Variants in LRMDA observed in about 807,000 individuals in gnomAD.
LRMDA encodes the protein leucine rich melanocyte differentiation associated, also known as leucine-rich melanocyte differentiation-associated protein.
LRMDA carries 18 observed loss-of-function variants against 29.8 expected under a neutral mutation model. The observed-to-expected ratio is 0.60, with a 90% CI of 0.42 to 0.90. The LOEUF is 0.90. Ranked by LOEUF, LRMDA falls within the 40% of genes least tolerant of loss-of-function variation. LRMDA has a pLI of 0.00. For synonymous variants in LRMDA, 125 were observed against 109.4 expected (o/e 1.14, Z -0.89); for missense variants, 273 against 273.9 (o/e 1.00, Z 0.02).
At chr10:75,540,088 A>C (rs984616473) in intron 2 of LRMDA, among the ~76,000 whole-genome samples, 3 of 152,160 alleles carry the variant, frequency 2.0e-5, no homozygotes, top group Non-Finnish European at 4.4e-5. Flanking sequence ...CAGATAATAA[A>C]ATTTCTGGTA....
At chr10:76,482,580 T>C (rs1391705726) in intron 6 of LRMDA, among the ~76,000 whole-genome samples, 4 of 151,944 alleles carry the variant, frequency 2.6e-5, no homozygotes, top group African/African-American at 9.7e-5. Flanking sequence ...GTTCATTGAG[T>C]CATTCTACTG....
intron 3 of LRMDA, among the ~76,000 whole-genome samples, chr10:76,046,780 A>G (rs1848446103): frequency 6.6e-6 from 1 of 152,338 alleles, no homozygotes; most frequent in African/African-American, 2.4e-5. Context: ...CACCATGCCC[A>G]GCCCTTGTTT....
intron 2 of LRMDA, among the ~76,000 whole-genome samples, chr10:75,831,630 CTG>C (rs1293696210): frequency 6.6e-6 from 1 of 152,222 alleles, no homozygotes; most frequent in Non-Finnish European, 1.5e-5. Flanking sequence ...AGTAGGGACT[CTG>C]TGTGGAGGCT....
At chr10:76,508,611 C>T (rs1174479839) in intron 6 of LRMDA, among the ~76,000 whole-genome samples, 3 of 151,544 alleles carry the variant, frequency 2.0e-5, no homozygotes, top group African/African-American at 7.3e-5. Context: ...TTTTTACATG[C>T]CCTTGTTATT....
chr10:75,872,842 G>A (rs923853176), intron 2 of LRMDA, among the ~76,000 whole-genome samples: 9 of 151,986 alleles, frequency 5.9e-5, no homozygotes, highest in Non-Finnish European at 2.9e-5. Context: ...TTATACATTT[G>A]TATTATTCTG....
At chr10:75,454,602 G>A (rs1197223063) in intron 2 of LRMDA, among the ~76,000 whole-genome samples, 2 of 152,160 alleles carry the variant, frequency 1.3e-5, no homozygotes, top group Admixed American at 6.5e-5. Flanking sequence ...TGCTTCCTCC[G>A]AAAGTGCTGT....
chr10:76,134,130 C>T (rs2132140565), intron 5 of LRMDA, among the ~76,000 whole-genome samples: 1 of 152,338 alleles, frequency 6.6e-6, no homozygotes, highest in Non-Finnish European at 1.5e-5. Context: ...TTGCTTTAAT[C>T]AACCACTCCT....
At chr10:76,412,535 G>A (rs1841973260) in intron 6 of LRMDA, among the ~76,000 whole-genome samples, 1 of 152,068 alleles carries the variant, frequency 6.6e-6, no homozygotes, top group African/African-American at 2.4e-5. Flanking sequence ...CCTTTCTCTG[G>A]GGGACTCTGC....
chr10:75,553,832 T>C (rs1363728967), intron 2 of LRMDA, among the ~76,000 whole-genome samples: 1 of 152,074 alleles, frequency 6.6e-6, no homozygotes, highest in East Asian at 1.9e-4. Flanking sequence ...GGCTCTCTTT[T>C]ATCTGTTGTT....
intron 6 of LRMDA, among the ~76,000 whole-genome samples, chr10:76,392,790 T>A (rs1841738337): frequency 6.6e-6 from 1 of 152,118 alleles, no homozygotes; most frequent in African/African-American, 2.4e-5. Context: ...TTGAACTTAT[T>A]TCTCCTATTT....
intron 4 of LRMDA, among the ~76,000 whole-genome samples, chr10:76,048,716 C>T (rs770100940): frequency 3.3e-5 from 5 of 152,178 alleles, no homozygotes; most frequent in Admixed American, 6.5e-5. Context: ...CTTTAGAATT[C>T]GGAGACACTC....
chr10:75,891,090 G>T (rs191255539), intron 2 of LRMDA, among the ~76,000 whole-genome samples: 1 of 145,984 alleles, frequency 6.9e-6, no homozygotes, highest in Admixed American at 7.1e-5. Flanking sequence ...GGGCGACAGA[G>T]CTAGACTCAG....
chr10:76,015,874 T>C (rs1319788769), intron 2 of LRMDA, among the ~76,000 whole-genome samples: 1 of 152,230 alleles, frequency 6.6e-6, no homozygotes, highest in African/African-American at 2.4e-5. Context: ...TTAAAGAGGT[T>C]ACACAAAATG....
chr10:75,615,764 C>A (rs1169837918), intron 2 of LRMDA, among the ~76,000 whole-genome samples: 5 of 152,076 alleles, frequency 3.3e-5, no homozygotes, highest in Non-Finnish European at 5.9e-5. Context: ...GGCTGTGTAA[C>A]CTTAGTCAAA....
At chr10:75,636,313 C>G (rs1841389194) in intron 2 of LRMDA, among the ~76,000 whole-genome samples, 1 of 152,124 alleles carries the variant, frequency 6.6e-6, no homozygotes, top group African/African-American at 2.4e-5. Context: ...ACTTTATTTT[C>G]TTTATTAAAT....
At chr10:75,654,077 T>A (rs1318410663) in intron 2 of LRMDA, among the ~76,000 whole-genome samples, 2 of 138,274 alleles carry the variant, frequency 1.4e-5, no homozygotes, top group African/African-American at 7.0e-5. Context: ...CCCTAATGTG[T>A]TGTCTTCTTT....
At chr10:75,980,044 A>G (rs1847138942) in intron 2 of LRMDA, among the ~76,000 whole-genome samples, 1 of 152,106 alleles carries the variant, frequency 6.6e-6, no homozygotes. Flanking sequence ...CAAAAATTGA[A>G]CAGAAGGTAC....
chr10:75,856,551 C>G (rs1844830374), intron 2 of LRMDA, among the ~76,000 whole-genome samples: 1 of 152,152 alleles, frequency 6.6e-6, no homozygotes, highest in Non-Finnish European at 1.5e-5. Flanking sequence ...TAAACAGAAT[C>G]CAGCATATAA....
chr10:76,541,220 G>T (rs923977458), intron 6 of LRMDA, among the ~76,000 whole-genome samples: 1 of 152,208 alleles, frequency 6.6e-6, no homozygotes, highest in East Asian at 1.9e-4. Flanking sequence ...GAAGGGTGAA[G>T]CCGGGAATGC....
Sources: gnomAD v4.1 joint callset for allele counts (sites outside exome capture counted in the v4.1 genomes callset) on GRCh38, gnomAD v4.1.1 for gene constraint, MANE v1.5 for transcripts, NCBI Gene and HGNC (gene_info 2026-07-23, HGNC 2026-07-21) for gene names.